Variants in SLC41A3 observed in about 807,000 individuals in gnomAD.
SLC41A3 encodes solute carrier family 41 member 3.
Under a neutral mutation model 45.4 loss-of-function variants are expected in SLC41A3, and 44 were observed. That is an observed-to-expected ratio of 0.97 (90% CI 0.76 to 1.25). The LOEUF (loss-of-function observed/expected upper bound fraction) is 1.25. Among genes scored for constraint, SLC41A3 ranks in the 50% most tolerant of loss-of-function variants. The pLI is 0.00. For synonymous variants in SLC41A3, 256 were observed against 252.4 expected, an observed-to-expected ratio of 1.01 and a Z score of -0.13; for missense variants, 550 against 600.6, an observed-to-expected ratio of 0.92 and a Z score of 0.88.
At chr3:126,056,704 T>C (rs2107936116) in intron 2 of SLC41A3, 2 of 1,439,590 alleles carry the variant, frequency 1.4e-6, no homozygotes, top group South Asian at 1.5e-5. Context: ...CTGCAGAGAG[T>C]TCCCCAACAG....
At chr3:126,015,420 T>C (rs1318128878) in intron 8 of SLC41A3, 74 bp downstream of exon 8, 5 of 1,494,826 alleles carry the variant, frequency 3.3e-6, no homozygotes, top group Non-Finnish European at 4.6e-6. Context: ...CTCTGAGGTC[T>C]GCTGTTCCGG....
chr3:126,054,350 C>T (rs1019141149), intron 2 of SLC41A3, among the ~76,000 whole-genome samples: 1 of 152,154 alleles, frequency 6.6e-6, no homozygotes, highest in South Asian at 2.1e-4. Context: ...GGCCCCTGTA[C>T]CTTGAGGTGG....
chr3:126,048,448 T>C (rs1943107428), intron 3 of SLC41A3, among the ~76,000 whole-genome samples: 1 of 152,226 alleles, frequency 6.6e-6, no homozygotes, highest in Admixed American at 6.5e-5. Flanking sequence ...TTTTATTTCA[T>C]TTAGATGTTT....
chr3:126,026,404 C>G lies in SLC41A3; in HGVS notation c.529G>C (p.Asp177His). The change falls in exon 5 of 11, where the codon GAT becomes CAT. Residue 177 changes from aspartate to histidine, a missense_variant. By Grantham distance (81) the Asp-to-His change is moderately conservative. Coordinates refer to ENST00000360370, the MANE Select transcript of SLC41A3 (RefSeq NM_017836.4). This position sits in a 1 kb window ranked among gnomAD's most constrained non-coding sequence, Gnocchi z 4.2. ...LLGVVSREEV[D>H]VAKVELLCAS... is the part of the protein sequence containing the mutation. Reference sequence around the variant, plus strand: ...CACAGCAACTCCACCTTGGCGACATCCACTTCCTCTCGAGACACCACGCCC... The same window carrying G: ...CACAGCAACTCCACCTTGGCGACATGCACTTCCTCTCGAGACACCACGCCC... 1 of 1,593,228 alleles carries G rather than the reference C, an allele frequency of 6.3e-7. No homozygotes were observed. Among genetic ancestry groups the G allele is most frequent in the East Asian group, 2.3e-5 (1 of 44,002 alleles).
chr3:126,012,929 G>C (rs892372308), intron 8 of SLC41A3, among the ~76,000 whole-genome samples, 180 bp from the exon 9 acceptor site: 37 of 152,190 alleles, frequency 2.4e-4, no homozygotes, highest in African/African-American at 8.2e-4. Context: ...GTGGCCCAGA[G>C]CTTGTGAGTG....
chr3:126,035,772 G>C (rs1322951761), intron 3 of SLC41A3, among the ~76,000 whole-genome samples: 1 of 152,150 alleles, frequency 6.6e-6, no homozygotes, highest in African/African-American at 2.4e-5. Context: ...AAGGCAAGTG[G>C]AGAAGACAGC....
intron 8 of SLC41A3, among the ~76,000 whole-genome samples, chr3:126,013,519 C>T (rs1157079459): frequency 6.0e-5 from 9 of 150,756 alleles, no homozygotes; most frequent in South Asian, 2.1e-4. Flanking sequence ...ACCAAGATCA[C>T]GCCACTGCAC....
In SLC41A3 at chr3:126,026,469, G is replaced by A; in HGVS notation, c.464C>T (p.Thr155Ile). Residue 155 changes from threonine to isoleucine, a missense_variant, in exon 5 of 11, where the codon ACT becomes ATT. Thr to Ile is a moderately conservative substitution (Grantham distance 89, BLOSUM62 -1). Coordinates refer to ENST00000360370, the MANE Select transcript of SLC41A3 (RefSeq NM_017836.4). This position sits in a 1 kb window ranked among gnomAD's most constrained non-coding sequence, Gnocchi z 4.2. The stretch of plus-strand genomic sequence containing the variant: ...CACAGCAGCCAAGAGCCCCACGACA[G>A]TGGCCTGCACCTGTTGGACAGAAAT... The part of the protein sequence containing the change: ...SNLALIQVQA[T>I]VVGLLAAVAA... 6.2e-7 allele frequency: 1 copy of A among 1,603,008 alleles called. No homozygotes were observed. Among genetic ancestry groups the A allele is most frequent in the Non-Finnish European group, 8.5e-7 (1 of 1,174,468 alleles).
intron 1 of SLC41A3, among the ~76,000 whole-genome samples, chr3:126,077,464 T>C (rs1374790480): frequency 3.3e-5 from 5 of 152,120 alleles, no homozygotes; most frequent in African/African-American, 4.8e-5. Flanking sequence ...GCAAGTCTAG[T>C]GTATATCCTT....
chr3:126,040,584 T>G (rs1244959696), intron 3 of SLC41A3, among the ~76,000 whole-genome samples: 2 of 152,020 alleles, frequency 1.3e-5, no homozygotes, highest in Admixed American at 1.3e-4. Context: ...GCCTGCTTGG[T>G]TTGTGCCAAG....
At chr3:126,046,448 G>A (rs140217488) in intron 3 of SLC41A3, among the ~76,000 whole-genome samples, 34 of 151,796 alleles carry the variant, frequency 2.2e-4, no homozygotes, top group Middle Eastern at 3.4e-3. Flanking sequence ...AATCAGTTGC[G>A]TTTCTATACA....
intron 4 of SLC41A3, among the ~76,000 whole-genome samples, chr3:126,028,444 T>C (rs1280181974): frequency 3.3e-5 from 5 of 152,268 alleles, no homozygotes; most frequent in Non-Finnish European, 4.4e-5. Flanking sequence ...TGCCTGCGGT[T>C]GCACAGAGTG....
intron 4 of SLC41A3, among the ~76,000 whole-genome samples, chr3:126,029,201 T>G (rs1259408624): frequency 1.3e-5 from 2 of 152,196 alleles, no homozygotes; most frequent in Non-Finnish European, 2.9e-5. Context: ...TTTGTATTTG[T>G]TTCCCCACCA....
At position 126,022,934 on chromosome 3, in the gene SLC41A3, T is replaced by G. The variant is rs138157075; in HGVS notation, c.599-2A>C. The G allele has an allele frequency of 6.2e-7, 1 of 1,613,978 alleles. No individual in the cohort carries two copies. Among genetic ancestry groups the G allele is most frequent in the East Asian group, 2.2e-5 (1 of 44,880 alleles). ...TCACTATACAGACCATCAGCACCCC[T>G]GCAGAGAGAGAGAGGAGAAACAGCA... is the stretch of plus-strand genomic sequence containing the variant. On this transcript the variant is annotated splice_acceptor_variant, in intron 5 of 10. Coordinates refer to ENST00000360370, the MANE Select transcript of SLC41A3 (RefSeq NM_017836.4). LOFTEE classifies it high-confidence loss of function.
intron 3 of SLC41A3, among the ~76,000 whole-genome samples, chr3:126,047,652 T>A: frequency 6.6e-6 from 1 of 151,312 alleles, no homozygotes; most frequent in Non-Finnish European, 1.5e-5. Flanking sequence ...AAAAGGAGAG[T>A]CTTCAAAAAA....
chr3:126,044,705 A>T (rs940505946), intron 3 of SLC41A3, among the ~76,000 whole-genome samples: 1 of 151,604 alleles, frequency 6.6e-6, no homozygotes, highest in African/African-American at 2.4e-5. Context: ...ACCATCCTGG[A>T]TAACACAGTG....
At position 126,006,651 on chromosome 3, in the gene SLC41A3, G is replaced by C. The variant is rs1580367486; in HGVS notation, c.*365C>G. On this transcript the variant is annotated 3_prime_UTR_variant, in exon 11 of 11. Transcript: ENST00000360370. ...CTCCTTCCTGCTCCACCCCAATCTG[G>C]GTTGCATGGGCATGGAAAAGAGCAA... is the stretch of plus-strand genomic sequence containing the variant. 6.6e-7 allele frequency: 1 copy of C among 1,510,876 alleles called. No homozygotes were observed. The highest frequency in any genetic ancestry group is 8.8e-7 in the Non-Finnish European group (1 of 1,134,566). The allele number at this position is 1,510,876 out of a possible 1,614,324, so 93.6% of individuals were successfully genotyped here.
In SLC41A3 at chr3:126,059,307, A is replaced by AAAGAAAGAAAGAAAGG. The variant is rs1559870097; in HGVS notation, c.274-8258_274-8257insCCTTTCTTTCTTTCTT. On this transcript the variant is annotated intron_variant, in intron 2 of 10. Coordinates refer to ENST00000360370, the MANE Select transcript of SLC41A3 (RefSeq NM_017836.4). The stretch of plus-strand genomic sequence containing the variant: ...GAAAGAAAGAAAGAAAGAAAGAAAG[A>AAAGAAAGAAAGAAAGG]AAGGAAGGATGATCTGTGATAAGTG... Among the ~76,000 whole-genome samples, 234 of 59,420 alleles carry AAAGAAAGAAAGAAAGG rather than the reference A, an allele frequency of 3.9e-3. 16 individuals carry two copies. Among genetic ancestry groups the AAAGAAAGAAAGAAAGG allele is most frequent in the Middle Eastern group, 8.3e-3 (1 of 120 alleles). The allele number at this position is 59,420 out of a possible 152,430, so 39.0% of individuals were successfully genotyped here.
chr3:126,043,347 G>C (rs1454046464), intron 3 of SLC41A3, among the ~76,000 whole-genome samples: 1 of 152,000 alleles, frequency 6.6e-6, no homozygotes, highest in Non-Finnish European at 1.5e-5. Flanking sequence ...CTAAATAAAA[G>C]CTAAGGGAGT....
Sources: allele counts gnomAD v4.1 joint callset (sites outside exome capture counted in the v4.1 genomes callset), GRCh38; gene constraint gnomAD v4.1.1; non-coding constraint Gnocchi (gnomAD v3.1); transcripts MANE v1.5; gene names NCBI Gene and HGNC (gene_info 2026-07-23, HGNC 2026-07-21).